The following CPNE8 variants were observed in gnomAD, a reference collection of about 807,000 sequenced individuals.
CPNE8 encodes copine-8.
Under a neutral mutation model 81.5 loss-of-function variants are expected in CPNE8, and 45 were observed. The observed-to-expected ratio is 0.55, with a 90% CI of 0.44 to 0.71. The LOEUF (loss-of-function observed/expected upper bound fraction) is 0.71. CPNE8 is among the 30% of genes least tolerant of loss of function. The probability of loss-of-function intolerance (pLI) is 0.00; values close to 1 mark genes in which losing one functional copy is unlikely to be tolerated. For synonymous variants in CPNE8, 252 were observed against 226.3 expected (o/e 1.11, Z -1.02); for missense variants, 594 against 672.1 (o/e 0.88, Z 1.28).
intron 10 of CPNE8, among the ~76,000 whole-genome samples, chr12:38,737,903 C>T (rs1940991950): frequency 6.6e-6 from 1 of 152,158 alleles, no homozygotes; most frequent in South Asian, 2.1e-4. Context: ...GCAAGTTGCA[C>T]TCTAGAGTCC....
At chr12:38,894,709 C>G (rs1592161447) in intron 1 of CPNE8, among the ~76,000 whole-genome samples, 1 of 123,362 alleles carries the variant, frequency 8.1e-6, no homozygotes, top group African/African-American at 3.1e-5. Flanking sequence ...CTCTCTCTCT[C>G]TCATATTCTT....
upstream of CPNE8, chr12:38,906,165 AT>A: frequency 1.0e-6 from 1 of 985,508 alleles, no homozygotes; most frequent in Non-Finnish European, 1.2e-6. Context: ...CTCTTGGGAG[AT>A]CCCTCCGTCC....
chr12:38,817,917 C>T (rs1439137693), intron 6 of CPNE8, among the ~76,000 whole-genome samples: 2 of 152,126 alleles, frequency 1.3e-5, no homozygotes, highest in African/African-American at 2.4e-5. Flanking sequence ...GCCACTGCGC[C>T]TGGCCAATTT....
intron 13 of CPNE8, among the ~76,000 whole-genome samples, 154 bp downstream of exon 13, chr12:38,723,618 G>A (rs979261418): frequency 1.3e-5 from 2 of 152,086 alleles, no homozygotes; most frequent in East Asian, 3.9e-4. Flanking sequence ...AGGTATGTAC[G>A]TTTTTTCTTT....
At chr12:38,696,501 G>A (rs1939801719) in intron 14 of CPNE8, among the ~76,000 whole-genome samples, 1 of 152,038 alleles carries the variant, frequency 6.6e-6, no homozygotes, top group South Asian at 2.1e-4. Context: ...AATAACATTG[G>A]GGCCCAACTA....
chr12:38,741,830 A>G (rs1565593125), intron 10 of CPNE8, among the ~76,000 whole-genome samples: 1 of 152,146 alleles, frequency 6.6e-6, no homozygotes, highest in African/African-American at 2.4e-5. Context: ...TTGCAAGAAA[A>G]AAAACAAACA....
intron 1 of CPNE8, among the ~76,000 whole-genome samples, chr12:38,893,704 C>T (rs1170840112): frequency 6.6e-6 from 1 of 152,150 alleles, no homozygotes; most frequent in East Asian, 1.9e-4. Flanking sequence ...GTCGGGAGCC[C>T]TTTGCAGTAA....
intron 5 of CPNE8, among the ~76,000 whole-genome samples, chr12:38,831,837 T>C (rs1396214928): frequency 2.0e-5 from 3 of 152,176 alleles, no homozygotes; most frequent in Admixed American, 1.3e-4. Flanking sequence ...ACAAGGGCGA[T>C]TCCAGAATTC....
chr12:38,697,391 G>A (rs1263764899), intron 14 of CPNE8, among the ~76,000 whole-genome samples: 1 of 152,070 alleles, frequency 6.6e-6, no homozygotes, highest in Non-Finnish European at 1.5e-5. Flanking sequence ...CCATTGTATG[G>A]ATTTTATCAT....
At chr12:38,864,415 C>G (rs758248348) in intron 3 of CPNE8, among the ~76,000 whole-genome samples, 17 of 151,866 alleles carry the variant, frequency 1.1e-4, no homozygotes, top group Non-Finnish European at 1.9e-4. Flanking sequence ...TACGTTTGAC[C>G]CTTTACAGAA....
At chr12:38,823,492 CA>C in intron 6 of CPNE8, among the ~76,000 whole-genome samples, 1 of 152,286 alleles carries the variant, frequency 6.6e-6, no homozygotes, top group Non-Finnish European at 1.5e-5. Context: ...TGCCAGCCTA[CA>C]AAAAACATAG....
chr12:38,760,435 G>GTGTATATATATATATATATATATA (rs1555154496), intron 10 of CPNE8, among the ~76,000 whole-genome samples: 9 of 127,274 alleles, frequency 7.1e-5, no homozygotes, highest in African/African-American at 3.1e-4. Flanking sequence ...TGTATGGTGT[G>GTGTATATATATATATATATATATA]TATATATATA....
chr12:38,751,179 TTC>T (rs1941346839), intron 10 of CPNE8, among the ~76,000 whole-genome samples: 1 of 152,238 alleles, frequency 6.6e-6, no homozygotes, highest in African/African-American at 2.4e-5. Context: ...CCAGTGAAAC[TTC>T]TTTCTTTTGT....
rs906827113 is a variant in CPNE8 at position 38,803,425 on chromosome 12, G to A, written c.407+25954C>T. Among the ~76,000 whole-genome samples the A allele has an allele frequency of 9.7e-4, 146 of 150,244 alleles. 1 individual carries two copies. The highest frequency in any genetic ancestry group is 3.3e-3 in the African/African-American group (136 of 41,002). ...CAAAAACCACATGATTATCTCAATA[G>A]ATGCAGAAAAAGCCTTTGACAAAAT... On this transcript the variant is annotated intron_variant, in intron 6 of 19. Coordinates refer to ENST00000331366, the MANE Select transcript of CPNE8 (RefSeq NM_153634.3).
At chr12:38,767,595 T>C (rs753175526) in intron 8 of CPNE8, 40 bp downstream of exon 8, 21 of 1,154,724 alleles carry the variant, frequency 1.8e-5, no homozygotes, top group South Asian at 1.6e-5. Context: ...TCAAGTATCA[T>C]CATTACCATA....
intron 6 of CPNE8, among the ~76,000 whole-genome samples, chr12:38,790,184 C>T (rs1305931991): frequency 6.6e-6 from 1 of 151,612 alleles, no homozygotes; most frequent in African/African-American, 2.4e-5. Context: ...CTGTTTACAA[C>T]AGTCAAGATT....
At chr12:38,842,965 A>G (rs536871163) in intron 4 of CPNE8, among the ~76,000 whole-genome samples, 1 of 152,326 alleles carries the variant, frequency 6.6e-6, no homozygotes, top group Admixed American at 6.5e-5. Flanking sequence ...CTCACAGGTC[A>G]TAACATAAAC....
intron 1 of CPNE8, among the ~76,000 whole-genome samples, chr12:38,884,521 A>G (rs1423244827): frequency 6.6e-6 from 1 of 152,198 alleles, no homozygotes; most frequent in Non-Finnish European, 1.5e-5. Flanking sequence ...TTATGCGGAC[A>G]TATGGTTTCA....
At chr12:38,766,085 C>T (rs917461043) in intron 8 of CPNE8, among the ~76,000 whole-genome samples, 4 of 152,112 alleles carry the variant, frequency 2.6e-5, no homozygotes, top group Non-Finnish European at 4.4e-5. Flanking sequence ...GTCTCGATCT[C>T]TTGACCTCGT....
Sources: allele counts gnomAD v4.1 joint callset (sites outside exome capture counted in the v4.1 genomes callset), GRCh38; gene constraint gnomAD v4.1.1; transcripts MANE v1.5; gene names NCBI Gene and HGNC (gene_info 2026-07-23, HGNC 2026-07-21).